The following RNF40 variants were observed in gnomAD, a reference collection of about 807,000 sequenced individuals.
RNF40 encodes the protein E3 ubiquitin-protein ligase BRE1B.
RNF40 carries 39 observed loss-of-function variants against 123.3 expected under a neutral mutation model. The ratio of observed to expected loss-of-function variants is 0.32; its 90% CI spans 0.24 to 0.41. The LOEUF (loss-of-function observed/expected upper bound fraction) is 0.41. Among genes scored for constraint, RNF40 ranks in the 10% least tolerant of loss-of-function variants. RNF40 has a pLI of 1.00. For synonymous variants in RNF40, 538 were observed against 526.0 expected (o/e 1.02, Z -0.31); for missense variants, 1,003 against 1,319.9 (o/e 0.76, Z 3.72).
Position 30,768,024 on chromosome 16 carries a change from G to T in RNF40, c.1551+9G>T. The T allele has an allele frequency of 6.2e-7, 1 of 1,614,236 alleles. No individual in the cohort carries two copies. Among genetic ancestry groups the T allele is most frequent in the South Asian group, 1.1e-5 (1 of 91,088 alleles). On this transcript the variant is annotated intron_variant, in intron 12 of 19. Transcript: ENST00000324685. The surrounding 1 kb of genome is among the most constrained non-coding windows in gnomAD (Gnocchi z 4.1). Reference sequence around the variant, plus strand: ...AAGCTGAGATTGGCAAGGTGAGAAGGGGCCTGCCTGGGAAAAGGTTTGGCT... The same window carrying T: ...AAGCTGAGATTGGCAAGGTGAGAAGTGGCCTGCCTGGGAAAAGGTTTGGCT...
At chr16:30,767,620 C>T (rs1051325950) in intron 11 of RNF40, 3 of 323,284 alleles carry the variant, frequency 9.3e-6, no homozygotes. Context: ...GCCAGGGCAA[C>T]AAAGTGAGAC....
intron 4 of RNF40, among the ~76,000 whole-genome samples, chr16:30,763,894 T>A (rs1334164507): frequency 6.6e-6 from 1 of 152,204 alleles, no homozygotes; most frequent in Non-Finnish European, 1.5e-5. Context: ...CTGGGGCTCC[T>A]GAAACGGAAT....
chr16:30,762,314 C>T (rs1298842948), upstream of RNF40: 2 of 501,652 alleles, frequency 4.0e-6, no homozygotes, highest in East Asian at 3.6e-5. Flanking sequence ...CGCCCAGTGA[C>T]GTCCGGTGAA....
rs2054230531 is a variant in RNF40 at position 30,776,080 on chromosome 16, A to G, written c.*1966A>G. 1 of 152,312 alleles carries G rather than the reference A, an allele frequency of 6.6e-6. No individual in the cohort carries two copies. Among genetic ancestry groups the G allele is most frequent in the East Asian group, 1.9e-4 (1 of 5,174 alleles). The allele number at this position is 152,312 out of a possible 1,614,324, so 9.4% of individuals were successfully genotyped here. The stretch of plus-strand genomic sequence containing the variant: ...GACGCGGCCACCTTCGCCCCTGGAG[A>G]GCGCCAGTCTCAGGAGCGCCGCACC... On this transcript the variant is annotated 3_prime_UTR_variant, in exon 20 of 20. Transcript: ENST00000324685.
At position 30,763,663 on chromosome 16, in the gene RNF40, C is replaced by G. The variant is rs1456739071; in HGVS notation, c.442+104C>G. 4 of 1,202,116 alleles carry G rather than the reference C, an allele frequency of 3.3e-6. No homozygotes were observed. In the African/African-American group the frequency reaches 6.1e-5, roughly 18 times the overall value. 74.5% of individuals were successfully genotyped at this position (1,202,116 alleles called of 1,614,324 possible). A position where few individuals can be genotyped will look rare whatever the true frequency, so the allele number is the denominator to read the frequency against. ...CCCTGAATTGCCTATCTTACTACTT[C>G]TCACGAAATGGATTTCATGTTTGGG... On this transcript the variant is annotated intron_variant, in intron 4 of 19. Transcript: ENST00000324685.
chr16:30,771,894 G>A lies in RNF40; in HGVS notation c.2648G>A (p.Arg883Gln), dbSNP rs749466208. Residue 883 changes from arginine to glutamine, a missense_variant, in exon 18 of 20, where the codon CGG (arginine) becomes CAG (glutamine). This residue lies in a region of RNF40 where 121 missense variants were observed against 125.3 expected (regional missense o/e 0.97). Coordinates refer to ENST00000324685, the MANE Select transcript of RNF40 (RefSeq NM_014771.4). ...LKVQLEHVQT[R>Q]LREIQPCLAE... ...GTGCAGCTGGAGCACGTGCAGACTCGGCTGCGGGAGATCCAGCCCTGCCTG... is the reference window on the plus strand; with the variant it reads ...GTGCAGCTGGAGCACGTGCAGACTCAGCTGCGGGAGATCCAGCCCTGCCTG... The A allele has an allele frequency of 1.7e-5, 28 of 1,609,654 alleles. No homozygotes were observed. The highest frequency in any genetic ancestry group is 2.2e-5 in the Non-Finnish European group (26 of 1,177,478).
At position 30,768,859 on chromosome 16, in the gene RNF40, A is replaced by T; in HGVS notation, c.2119A>T (p.Ile707Phe). The T allele has an allele frequency of 1.9e-6, 3 of 1,614,234 alleles. No homozygotes were observed. The highest frequency in any genetic ancestry group is 2.5e-6 in the Non-Finnish European group (3 of 1,180,032). Reference protein sequence around the residue: ...KAEVDELRSRIRELEERDRRE... With the variant: ...KAEVDELRSRFRELEERDRRE... ...ATAGGTTGATGAGCTGCGGAGCCGC[A>T]TCCGGGAATTGGAGGAGAGGGATCG... Residue 707 changes from isoleucine (I) to phenylalanine (F), a missense_variant, in exon 15 of 20, where the codon ATC (isoleucine) becomes TTC (phenylalanine). Around this residue, in one of 11 missense-constraint regions of RNF40, gnomAD observed 295 missense variants for 331.7 expected, o/e 0.89. Coordinates refer to ENST00000324685, the MANE Select transcript of RNF40 (RefSeq NM_014771.4). The surrounding 1 kb of genome is among the most constrained non-coding windows in gnomAD (Gnocchi z 4.1).
intron 19 of RNF40, chr16:30,772,404 C>T: frequency 1.6e-6 from 1 of 636,386 alleles, no homozygotes; most frequent in East Asian, 2.8e-5. Flanking sequence ...TAGGAACTGG[C>T]CCTGGTCTCT....
Position 30,766,829 on chromosome 16 carries a change from T to C in RNF40, c.1382T>C (p.Met461Thr). Residue 461 changes from methionine (M) to threonine (T), a missense_variant, in exon 11 of 20, where the codon ATG becomes ACG. Physicochemically the swap from Met to Thr is moderately conservative, Grantham distance 81 (BLOSUM62 -1). Around this residue, in one of 11 missense-constraint regions of RNF40, gnomAD observed 30 missense variants for 68.9 expected, o/e 0.44. Coordinates refer to ENST00000324685, the MANE Select transcript of RNF40 (RefSeq NM_014771.4). This position sits in a 1 kb window ranked among gnomAD's most constrained non-coding sequence, Gnocchi z 5.4. ...GCCCAGGTACGCAAGGAGTATGAGA[T>C]GCTGCGCATCGAGTTTGAGCAGAAT... Reference protein sequence around the residue: ...TLAQVRKEYEMLRIEFEQNLA... With the variant: ...TLAQVRKEYETLRIEFEQNLA... 1 of 1,613,930 alleles carries C rather than the reference T, an allele frequency of 6.2e-7. No homozygotes were observed. Among genetic ancestry groups the C allele is most frequent in the Non-Finnish European group, 8.5e-7 (1 of 1,180,004 alleles).
At chr16:30,772,254 C>A in intron 19 of RNF40, 64 bp downstream of exon 19, 1 of 1,332,566 alleles carries the variant, frequency 7.5e-7, no homozygotes, top group Non-Finnish European at 1.1e-6. Flanking sequence ...ATTGCTGAGA[C>A]TAGTGGAGAG....
chr16:30,762,674 C>T lies in RNF40; in HGVS notation c.129C>T (p.Ser43=), dbSNP rs2053882571. ...IEPIRLGGIS[S]TEEMDLKVLQ... is the part of the protein sequence containing the mutation. ...CCATTCGTCTTGGAGGCATCTCTTC[C>T]ACGGTTCGTGGGCTCTTGCCTTAAC... The change falls in exon 2 of 20, where the codon TCC becomes TCT. Residue 43 remains serine, a synonymous_variant. Transcript: ENST00000324685. 2 of 1,613,026 alleles carry T rather than the reference C, an allele frequency of 1.2e-6. No homozygotes were observed. The highest frequency in any genetic ancestry group is 1.7e-6 in the Non-Finnish European group (2 of 1,179,796).
At chr16:30,765,625 T>G in intron 8 of RNF40, 126 bp downstream of exon 8, 1 of 795,490 alleles carries the variant, frequency 1.3e-6, no homozygotes, top group Non-Finnish European at 2.0e-6. Context: ...GCTGCTCTTT[T>G]TTTCATGCAT....
chr16:30,769,101 T>G, intron 15 of RNF40, 85 bp from the exon 16 acceptor site: 1 of 1,596,386 alleles, frequency 6.3e-7, no homozygotes, highest in East Asian at 2.2e-5. Context: ...TGTAGTTCTT[T>G]GCTTCGCTGC....
In RNF40 at chr16:30,764,118, T is replaced by C; in HGVS notation, c.443-61T>C. The C allele has an allele frequency of 2.1e-6, 3 of 1,401,694 alleles. No homozygotes were observed. In the East Asian group the frequency reaches 7.3e-5, roughly 34 times the overall value. 86.8% of individuals were successfully genotyped at this position (1,401,694 alleles called of 1,614,324 possible). A position where few individuals can be genotyped will look rare whatever the true frequency, so the allele number is the denominator to read the frequency against. ...GTATTGAAGGGCTCAGTCTGGAACT[T>C]GGTACAGAGTGGTAGTAACTGCTGC... On this transcript the variant is annotated intron_variant, in intron 4 of 19. Coordinates refer to ENST00000324685, the MANE Select transcript of RNF40 (RefSeq NM_014771.4).
chr16:30,762,686 G>A lies in RNF40; in HGVS notation c.132+9G>A, dbSNP rs1464489170. The A allele has an allele frequency of 6.2e-7, 1 of 1,612,002 alleles. No homozygotes were observed. Among genetic ancestry groups the A allele is most frequent in the Admixed American group, 1.7e-5 (1 of 59,382 alleles). ...GAGGCATCTCTTCCACGGTTCGTGG[G>A]CTCTTGCCTTAACCCTCAGAACTTC... On this transcript the variant is annotated intron_variant, in intron 2 of 19. Transcript: ENST00000324685.
At position 30,762,644 on chromosome 16, in the gene RNF40, C is replaced by T; in HGVS notation, c.99C>T (p.Ile33=). The part of the protein sequence containing the change: ...SREEKTTTTL[I]EPIRLGGISS... ...AGGAGAAGACCACCACGACTCTTAT[C>T]GAGCCCATTCGTCTTGGAGGCATCT... Residue 33 remains isoleucine, a synonymous_variant, in exon 2 of 20, where the codon ATC becomes ATT. Coordinates refer to ENST00000324685, the MANE Select transcript of RNF40 (RefSeq NM_014771.4). 3 of 1,611,608 alleles carry T rather than the reference C, an allele frequency of 1.9e-6. No individual in the cohort carries two copies. Among genetic ancestry groups the T allele is most frequent in the Non-Finnish European group, 2.5e-6 (3 of 1,178,970 alleles).
rs1567287070 is a variant in RNF40, at chr16:30,769,585, G to A, written c.2571G>A (p.Glu857=). 2 of 1,590,704 alleles carry A rather than the reference G, an allele frequency of 1.3e-6. No homozygotes were observed. Among genetic ancestry groups the A allele is most frequent in the South Asian group, 1.1e-5 (1 of 88,072 alleles). The part of the protein sequence containing the change: ...KELTLRSQAL[E]LNKRKAVEAA... ...TGACGCTGCGCAGCCAAGCCCTGGAGCTCAACAAGCGGAAGGTGAGGCTGG... is the reference window on the plus strand; with the variant it reads ...TGACGCTGCGCAGCCAAGCCCTGGAACTCAACAAGCGGAAGGTGAGGCTGG... The change falls in exon 17 of 20, where the codon GAG becomes GAA. Residue 857 remains glutamate (E), a synonymous_variant. Transcript: ENST00000324685.
chr16:30,774,629 GT>G lies in RNF40; in HGVS notation c.*517del, dbSNP rs2054202848. The G allele has an allele frequency of 3.7e-6, 1 of 268,798 alleles. No individual in the cohort carries two copies. Among genetic ancestry groups the G allele is most frequent in the African/African-American group, 2.2e-5 (1 of 44,776 alleles). 16.7% of individuals were successfully genotyped at this position (268,798 alleles called of 1,614,324 possible). A position where few individuals can be genotyped will look rare whatever the true frequency, so the allele number is the denominator to read the frequency against. ...CTCGGCAGGGCTTCTGTCCTGTGGA[GT>G]TCCCTGGACACCTTGGTCTGGCTCT... On this transcript the variant is annotated 3_prime_UTR_variant, in exon 20 of 20. Transcript: ENST00000324685.
Position 30,766,268 on chromosome 16 carries a change from A to G in RNF40, c.1099A>G (p.Asn367Asp). Residue 367 changes from asparagine (N) to aspartate (D), a missense_variant, in exon 9 of 20, where the codon AAT becomes GAT. Around this residue, in one of 11 missense-constraint regions of RNF40, gnomAD observed 274 missense variants for 356.9 expected, o/e 0.77. Transcript: ENST00000324685. The surrounding 1 kb of genome is among the most constrained non-coding windows in gnomAD (Gnocchi z 5.4). ...CGAACTTCAGGGGGCTGTGCGGACC[A>G]ATGAGCGCCTCAAGGTGGGCTGCTG... is the stretch of plus-strand genomic sequence containing the variant. ...QAELQGAVRT[N>D]ERLKVALRSL... 6.2e-7 allele frequency: 1 copy of G among 1,614,084 alleles called. No individual in the cohort carries two copies. The highest frequency in any genetic ancestry group is 8.5e-7 in the Non-Finnish European group (1 of 1,179,984).
Sources: gnomAD v4.1 joint callset for allele counts (sites outside exome capture counted in the v4.1 genomes callset) on GRCh38, gnomAD v4.1.1 for gene constraint, gnomAD v4.1.1 regional missense constraint, Gnocchi (gnomAD v3.1) non-coding constraint, MANE v1.5 for transcripts, NCBI Gene and HGNC (gene_info 2026-07-23, HGNC 2026-07-21) for gene names.